Variants in TRPM3 observed in about 807,000 individuals in gnomAD.
TRPM3 encodes the protein long transient receptor potential channel 3.
A neutral mutation model predicts 181.2 loss-of-function variants in TRPM3; 77 were observed. The observed-to-expected ratio is 0.42, with a 90% confidence interval of 0.35 to 0.51. TRPM3 has a LOEUF of 0.51. Among genes scored for constraint, TRPM3 ranks in the 20% least tolerant of loss-of-function variants. TRPM3 has a pLI of 0.01. For missense variants in TRPM3, 1,759 were observed against 2,196.7 expected (o/e 0.80, Z 3.98); for synonymous variants, 745 against 796.4 (o/e 0.94, Z 1.09).
At chr9:70,972,905 T>G (rs949019526) in intron 1 of TRPM3, among the ~76,000 whole-genome samples, 1 of 152,172 alleles carries the variant, frequency 6.6e-6, no homozygotes, top group African/African-American at 2.4e-5. Flanking sequence ...ACCCACAATT[T>G]CTGCCTTCCC....
At chr9:70,842,769 A>T (rs1006679389) in intron 5 of TRPM3, 2 of 459,844 alleles carry the variant, frequency 4.3e-6, no homozygotes, top group East Asian at 3.2e-5. Flanking sequence ...GAGAGGGGGT[A>T]GGTGGTAAGT....
intron 1 of TRPM3, among the ~76,000 whole-genome samples, chr9:71,421,816 T>C (rs978971432): frequency 6.6e-6 from 1 of 151,960 alleles, no homozygotes; most frequent in Non-Finnish European, 1.5e-5. Context: ...TAGCAAAACG[T>C]AGAAAAGGAA....
chr9:71,433,242 C>G (rs2093984816), intron 1 of TRPM3, among the ~76,000 whole-genome samples: 1 of 152,156 alleles, frequency 6.6e-6, no homozygotes. Context: ...ATTGTAGTTC[C>G]CATAATCCCC....
At chr9:71,153,931 G>GC (rs756544637) in intron 1 of TRPM3, among the ~76,000 whole-genome samples, 3 of 151,992 alleles carry the variant, frequency 2.0e-5, no homozygotes, top group Non-Finnish European at 2.9e-5. Context: ...CTTTCCAAGT[G>GC]CCTTTACTGT....
intron 1 of TRPM3, among the ~76,000 whole-genome samples, chr9:71,337,640 T>C (rs566853482): frequency 1.4e-4 from 21 of 152,316 alleles, no homozygotes; most frequent in African/African-American, 4.8e-4. Flanking sequence ...CATGTATGTT[T>C]ATTGCAGCAC....
intron 1 of TRPM3, among the ~76,000 whole-genome samples, chr9:71,172,992 A>G (rs2134823276): frequency 6.6e-6 from 1 of 152,350 alleles, no homozygotes; most frequent in African/African-American, 2.4e-5. Flanking sequence ...TAGAAAAGCC[A>G]CATAGATCTG....
At chr9:70,908,459 G>T (rs978521994) in intron 1 of TRPM3, among the ~76,000 whole-genome samples, 1 of 152,232 alleles carries the variant, frequency 6.6e-6, no homozygotes, top group Non-Finnish European at 1.5e-5. Context: ...AGCTATGAAA[G>T]CTCAAGAAAT....
intron 1 of TRPM3, among the ~76,000 whole-genome samples, chr9:71,135,217 T>C (rs2074690937): frequency 2.0e-5 from 3 of 152,258 alleles, no homozygotes; most frequent in African/African-American, 7.2e-5. Flanking sequence ...TCAGTCACTC[T>C]TCAGCTCCCT....
intron 1 of TRPM3, among the ~76,000 whole-genome samples, chr9:70,949,460 T>G (rs542593261): frequency 1.3e-5 from 2 of 151,662 alleles, no homozygotes; most frequent in Admixed American, 1.3e-4. Flanking sequence ...CACCTTCCAG[T>G]AAAAGGAGGA....
At chr9:70,883,057 T>A (rs371507041) in intron 1 of TRPM3, among the ~76,000 whole-genome samples, 4 of 152,128 alleles carry the variant, frequency 2.6e-5, no homozygotes, top group East Asian at 1.9e-4. Flanking sequence ...AAATGATATA[T>A]ATGTAAGAGT....
intron 1 of TRPM3, among the ~76,000 whole-genome samples, chr9:71,152,208 T>C (rs1221533241): frequency 1.3e-5 from 2 of 152,122 alleles, no homozygotes; most frequent in Non-Finnish European, 2.9e-5. Context: ...GATTCTGAGA[T>C]TTACTGCATA....
At chr9:71,388,472 A>G (rs1167596654) in intron 1 of TRPM3, among the ~76,000 whole-genome samples, 1 of 152,142 alleles carries the variant, frequency 6.6e-6, no homozygotes, top group East Asian at 1.9e-4. Flanking sequence ...AATTGGCTGT[A>G]TTATTTCAGC....
At chr9:70,828,760 C>T (rs907984126) in intron 5 of TRPM3, among the ~76,000 whole-genome samples, 1 of 145,146 alleles carries the variant, frequency 6.9e-6, no homozygotes, top group Non-Finnish European at 1.5e-5. Context: ...TTGCTCTATA[C>T]ATGTTATCTA....
chr9:70,831,935 G>C (rs1461371883), intron 5 of TRPM3, among the ~76,000 whole-genome samples: 1 of 109,816 alleles, frequency 9.1e-6, no homozygotes, highest in Non-Finnish European at 1.8e-5. Flanking sequence ...GTGCATGTCT[G>C]TATCAAAACA....
At chr9:70,907,400 TC>T (rs1436101399) in intron 1 of TRPM3, among the ~76,000 whole-genome samples, 1 of 152,218 alleles carries the variant, frequency 6.6e-6, no homozygotes, top group Non-Finnish European at 1.5e-5. Flanking sequence ...TTAAAATGTC[TC>T]CGAAGTAAGT....
chr9:70,570,106 G>A (rs1424567682), intron 22 of TRPM3, among the ~76,000 whole-genome samples: 1 of 151,964 alleles, frequency 6.6e-6, no homozygotes. Flanking sequence ...CGTTGCTTTA[G>A]ATTTTGGGAC....
At chr9:71,424,166 T>G (rs912390360) in intron 1 of TRPM3, among the ~76,000 whole-genome samples, 8 of 152,148 alleles carry the variant, frequency 5.3e-5, no homozygotes, top group Non-Finnish European at 1.0e-4. Flanking sequence ...CAGCACAGAG[T>G]TGGCCTTCCA....
intron 22 of TRPM3, among the ~76,000 whole-genome samples, chr9:70,585,965 T>C (rs1343681154): frequency 6.6e-6 from 1 of 152,192 alleles, no homozygotes; most frequent in African/African-American, 2.4e-5. Context: ...CCATCAGCCA[T>C]ACTAAATATC....
At chr9:70,553,101 G>T in intron 23 of TRPM3, 58 bp from the exon 24 acceptor site, 2 of 1,613,228 alleles carry the variant, frequency 1.2e-6, no homozygotes, top group South Asian at 1.1e-5. Flanking sequence ...CTGAAGCATC[G>T]ACTCCCCTTC....
Sources: gnomAD v4.1 joint callset for allele counts (sites outside exome capture counted in the v4.1 genomes callset) on GRCh38, gnomAD v4.1.1 for gene constraint, MANE v1.5 for transcripts, NCBI Gene and HGNC (gene_info 2026-07-23, HGNC 2026-07-21) for gene names.